The following DCC variants were observed in gnomAD, a reference collection of about 807,000 sequenced individuals.
DCC encodes netrin receptor DCC.
A neutral mutation model predicts 172.5 loss-of-function variants in DCC; 58 were observed. That is an observed-to-expected ratio of 0.34 (90% confidence interval 0.27 to 0.42). The LOEUF (loss-of-function observed/expected upper bound fraction) is 0.42. Among genes scored for constraint, DCC ranks in the 10% least tolerant of loss-of-function variants. DCC has a pLI of 1.00. For missense variants in DCC, 1,740 were observed against 1,791.0 expected (o/e 0.97, Z 0.51); for synonymous variants, 709 against 644.5 (o/e 1.10, Z -1.52).
At chr18:52,500,618 T>C (rs920026639) in intron 1 of DCC, among the ~76,000 whole-genome samples, 3 of 152,232 alleles carry the variant, frequency 2.0e-5, no homozygotes, top group Non-Finnish European at 2.9e-5. Flanking sequence ...TCTTTCCGTG[T>C]AAAAACTTTA....
At chr18:52,887,919 G>C (rs1044618427) in intron 2 of DCC, among the ~76,000 whole-genome samples, 10 of 152,084 alleles carry the variant, frequency 6.6e-5, no homozygotes, top group Non-Finnish European at 7.4e-5. Flanking sequence ...AAGTAATACA[G>C]CACTTTCATT....
intron 22 of DCC, among the ~76,000 whole-genome samples, chr18:53,444,647 C>G (rs1422087835): frequency 6.6e-6 from 1 of 152,176 alleles, no homozygotes; most frequent in Non-Finnish European, 1.5e-5. Context: ...TGATGCTTAG[C>G]ATTTTTTAGA....
chr18:53,482,179 ATTT>A (rs1473596683), intron 25 of DCC, among the ~76,000 whole-genome samples: 1 of 152,120 alleles, frequency 6.6e-6, no homozygotes, highest in Non-Finnish European at 1.5e-5. Flanking sequence ...AAGAATGATT[ATTT>A]TTTGTTATAA....
At chr18:52,675,451 G>A (rs987466885) in intron 1 of DCC, among the ~76,000 whole-genome samples, 3 of 152,102 alleles carry the variant, frequency 2.0e-5, no homozygotes, top group African/African-American at 7.2e-5. Context: ...ACTTCAAGTT[G>A]TTCCACCTTC....
intron 12 of DCC, among the ~76,000 whole-genome samples, chr18:53,233,409 A>G (rs896110253): frequency 6.6e-6 from 1 of 152,226 alleles, no homozygotes; most frequent in African/African-American, 2.4e-5. Context: ...CATTCAAACT[A>G]AAATCATATC....
At chr18:53,262,373 C>G (rs1392611554) in intron 12 of DCC, among the ~76,000 whole-genome samples, 2 of 152,204 alleles carry the variant, frequency 1.3e-5, no homozygotes, top group African/African-American at 4.8e-5. Context: ...TCATGACTTT[C>G]TGGCATAACT....
At chr18:53,284,009 T>C (rs2056905296) in intron 12 of DCC, among the ~76,000 whole-genome samples, 1 of 152,228 alleles carries the variant, frequency 6.6e-6, no homozygotes, top group African/African-American at 2.4e-5. Flanking sequence ...TTTTATTTTC[T>C]TGTGCTTGAG....
chr18:53,042,679 A>T (rs561207436), intron 5 of DCC, among the ~76,000 whole-genome samples: 39 of 152,188 alleles, frequency 2.6e-4, no homozygotes, highest in Admixed American at 8.5e-4. Flanking sequence ...AAAAGAAGAC[A>T]TTTATGCAGC....
chr18:53,391,184 T>G (rs1371286501), intron 16 of DCC, among the ~76,000 whole-genome samples: 1 of 152,180 alleles, frequency 6.6e-6, no homozygotes, highest in East Asian at 1.9e-4. Context: ...GAAACCCTAT[T>G]AAGTTAGAGA....
intron 15 of DCC, among the ~76,000 whole-genome samples, chr18:53,350,798 A>G (rs190663648): frequency 6.6e-6 from 1 of 152,038 alleles, no homozygotes; most frequent in African/African-American, 2.4e-5. Flanking sequence ...AATTAGTATT[A>G]ATTTAAAAAT....
chr18:52,569,830 T>C (rs2033251720), intron 1 of DCC, among the ~76,000 whole-genome samples: 1 of 152,208 alleles, frequency 6.6e-6, no homozygotes, highest in Non-Finnish European at 1.5e-5. Context: ...ATAAAGGCAA[T>C]GTGTATTACA....
At chr18:52,943,538 G>T (rs2040495220) in intron 5 of DCC, among the ~76,000 whole-genome samples, 1 of 152,022 alleles carries the variant, frequency 6.6e-6, no homozygotes, top group Non-Finnish European at 1.5e-5. Context: ...ATATCGCTGT[G>T]TTTTTTTAAT....
chr18:53,160,806 TAAG>T (rs1434818767), intron 8 of DCC, among the ~76,000 whole-genome samples: 6 of 152,208 alleles, frequency 3.9e-5, no homozygotes, highest in Non-Finnish European at 8.8e-5. Flanking sequence ...TCATGTAATA[TAAG>T]AAGGGGAATT....
At position 52,520,728 on chromosome 18, in the gene DCC, A is replaced by AT. The variant is rs35721153; in HGVS notation, c.91+179860dup. Among the ~76,000 whole-genome samples, 1,039 of 150,332 alleles carry AT rather than the reference A, an allele frequency of 6.9e-3. 12 individuals are homozygous for AT. The highest frequency in any genetic ancestry group is 0.024 in the African/African-American group (972 of 41,022). On this transcript the variant is annotated intron_variant, in intron 1 of 28. Coordinates refer to ENST00000442544, the MANE Select transcript of DCC (RefSeq NM_005215.4). ...GTTTTTTTTAAGAATTTAGGCAATG[A>AT]TTTTTTTTTTAATTTAGAATTTCCT...
At chr18:53,327,323 C>T (rs2057478014) in intron 14 of DCC, among the ~76,000 whole-genome samples, 1 of 151,424 alleles carries the variant, frequency 6.6e-6, no homozygotes, top group Admixed American at 6.6e-5. Context: ...AAAAAGCAAA[C>T]CAAGATCATT....
At chr18:52,963,967 A>T (rs2040887718) in intron 5 of DCC, among the ~76,000 whole-genome samples, 1 of 152,154 alleles carries the variant, frequency 6.6e-6, no homozygotes, top group Non-Finnish European at 1.5e-5. Context: ...AAAAAGGTGC[A>T]TAAGGAAAAT....
intron 19 of DCC, 152 bp downstream of exon 19, chr18:53,403,045 C>T (rs1321770053): frequency 1.5e-6 from 1 of 664,538 alleles, no homozygotes; most frequent in Non-Finnish European, 2.8e-6. Flanking sequence ...TCTTCTTTCC[C>T]CTTTTGACCA....
intron 1 of DCC, among the ~76,000 whole-genome samples, chr18:52,613,929 T>C (rs1285202641): frequency 6.6e-6 from 1 of 152,156 alleles, no homozygotes; most frequent in Admixed American, 6.5e-5. Context: ...AAAGAATTAT[T>C]AGAATAGAGT....
chr18:52,579,051 T>A (rs1017912367), intron 1 of DCC, among the ~76,000 whole-genome samples: 8 of 152,200 alleles, frequency 5.3e-5, no homozygotes, highest in Admixed American at 3.9e-4. Flanking sequence ...CAACTGCTTA[T>A]AAATTTTCAA....
Sources: allele counts gnomAD v4.1 joint callset (sites outside exome capture counted in the v4.1 genomes callset), GRCh38; gene constraint gnomAD v4.1.1; transcripts MANE v1.5; gene names NCBI Gene and HGNC (gene_info 2026-07-23, HGNC 2026-07-21).